The following LYPD6 variants were observed in gnomAD, a reference collection of about 807,000 sequenced individuals.
The protein encoded by LYPD6 is ly6/PLAUR domain-containing protein 6.
LYPD6 carries 15 observed loss-of-function variants against 22.7 expected under a neutral mutation model. That is an observed-to-expected ratio of 0.66 (90% CI 0.44 to 1.02). LYPD6 has a LOEUF of 1.02. Among genes scored for constraint, LYPD6 ranks in the 50% least tolerant of loss-of-function variants. The probability of loss-of-function intolerance (pLI) is 0.00; values close to 1 mark genes in which losing one functional copy is unlikely to be tolerated. For missense variants in LYPD6, 189 were observed against 208.4 expected (o/e 0.91, Z 0.57); for synonymous variants, 72 against 77.5 (o/e 0.93, Z 0.37).
At position 149,417,194 on chromosome 2, in the gene LYPD6, A is replaced by C. The variant is rs557955660; in HGVS notation, c.-71-20444A>C. Among the ~76,000 whole-genome samples the C allele has an allele frequency of 2.0e-5, 3 of 152,266 alleles. No homozygotes were observed. The South Asian group carries it at 6.2e-4, about 32-fold the overall frequency. On this transcript the variant is annotated intron_variant, in intron 1 of 4. Transcript: ENST00000334166. ...GTAACATGCCAAGGGCAATTTCTTA[A>C]AAGGGCTTTACTCTTCTACTGCAGA...
chr2:149,333,060 AAAT>A (rs1468469425), intron 1 of LYPD6, among the ~76,000 whole-genome samples: 4 of 152,222 alleles, frequency 2.6e-5, no homozygotes, highest in African/African-American at 9.6e-5. Context: ...TTAACAATAG[AAAT>A]AATAAATGAA....
chr2:149,391,792 T>C (rs1682315613), intron 1 of LYPD6, among the ~76,000 whole-genome samples: 1 of 152,090 alleles, frequency 6.6e-6, no homozygotes, highest in African/African-American at 2.4e-5. Context: ...AGAAGGTGTA[T>C]TAGAAGGAAA....
At chr2:149,420,614 G>A (rs1274310738) in intron 1 of LYPD6, among the ~76,000 whole-genome samples, 2 of 152,196 alleles carry the variant, frequency 1.3e-5, no homozygotes, top group African/African-American at 2.4e-5. Context: ...TGCCAAAGAA[G>A]TGAAGAGAAT....
intron 2 of LYPD6, among the ~76,000 whole-genome samples, chr2:149,445,156 T>C (rs937853046): frequency 3.3e-5 from 5 of 152,310 alleles, no homozygotes; most frequent in African/African-American, 1.2e-4. Context: ...AGCAGTAGTA[T>C]TTTGAAAGAA....
chr2:149,465,350 G>T (rs1442466077), intron 3 of LYPD6, among the ~76,000 whole-genome samples: 2 of 152,158 alleles, frequency 1.3e-5, no homozygotes, highest in African/African-American at 4.8e-5. Context: ...TAGTGTGGCA[G>T]AAGTGAAGAG....
At chr2:149,346,446 A>G (rs543546539) in intron 1 of LYPD6, among the ~76,000 whole-genome samples, 1 of 152,196 alleles carries the variant, frequency 6.6e-6, no homozygotes, top group Non-Finnish European at 1.5e-5. Context: ...CCATAAAACC[A>G]CTTGGTAGGG....
At chr2:149,459,510 T>C (rs1249962703) in intron 3 of LYPD6, among the ~76,000 whole-genome samples, 3 of 152,224 alleles carry the variant, frequency 2.0e-5, no homozygotes, top group Non-Finnish European at 4.4e-5. Flanking sequence ...AGAATGTCCT[T>C]CTTCTCTTGA....
At chr2:149,332,994 A>G (rs1215623106) in intron 1 of LYPD6, among the ~76,000 whole-genome samples, 1 of 152,244 alleles carries the variant, frequency 6.6e-6, no homozygotes, top group Non-Finnish European at 1.5e-5. Flanking sequence ...GAGATGTGTG[A>G]GAAATATGTA....
intron 1 of LYPD6, among the ~76,000 whole-genome samples, chr2:149,393,425 G>C (rs1180767318): frequency 6.6e-6 from 1 of 150,696 alleles, no homozygotes; most frequent in Non-Finnish European, 1.5e-5. Flanking sequence ...GATGATAACA[G>C]GGTATTTTCT....
At chr2:149,456,084 A>G (rs954208289) in intron 3 of LYPD6, among the ~76,000 whole-genome samples, 2 of 152,208 alleles carry the variant, frequency 1.3e-5, no homozygotes, top group African/African-American at 4.8e-5. Context: ...TAAAAGATCT[A>G]TGGAGAATAA....
At chr2:149,341,272 A>G (rs1457549609) in intron 1 of LYPD6, among the ~76,000 whole-genome samples, 4 of 152,120 alleles carry the variant, frequency 2.6e-5, no homozygotes, top group Admixed American at 2.0e-4. Context: ...CCTTCCATCC[A>G]TTATTCCACA....
intron 1 of LYPD6, among the ~76,000 whole-genome samples, chr2:149,331,053 T>G (rs1456215708): frequency 2.0e-5 from 3 of 152,118 alleles, no homozygotes; most frequent in African/African-American, 7.2e-5. Context: ...TAATTCAGCA[T>G]CTTCTCACGG....
chr2:149,433,644 G>T (rs1175730251), intron 1 of LYPD6, among the ~76,000 whole-genome samples: 1 of 152,112 alleles, frequency 6.6e-6, no homozygotes, highest in Admixed American at 6.5e-5. Flanking sequence ...TGAGCAGAGT[G>T]CTGTACTCCA....
chr2:149,378,673 G>A (rs1049341788), intron 1 of LYPD6, among the ~76,000 whole-genome samples: 6 of 152,174 alleles, frequency 3.9e-5, no homozygotes, highest in Admixed American at 2.6e-4. Flanking sequence ...AATTTGCCCT[G>A]TATTTAATGA....
chr2:149,429,358 C>A (rs1265736736), intron 1 of LYPD6, among the ~76,000 whole-genome samples: 3 of 152,136 alleles, frequency 2.0e-5, no homozygotes, highest in East Asian at 3.8e-4. Context: ...GAGGGCAGAG[C>A]AAAGTTGAGG....
intron 2 of LYPD6, among the ~76,000 whole-genome samples, chr2:149,446,938 C>T (rs962752761): frequency 6.6e-6 from 1 of 152,140 alleles, no homozygotes; most frequent in South Asian, 2.1e-4. Flanking sequence ...GATAACATAT[C>T]TAATTGGTTC....
chr2:149,418,655 G>C (rs1683015727), intron 1 of LYPD6, among the ~76,000 whole-genome samples: 1 of 152,182 alleles, frequency 6.6e-6, no homozygotes, highest in South Asian at 2.1e-4. Flanking sequence ...AGCTTGAGGA[G>C]AAGCTAGCAG....
intron 1 of LYPD6, among the ~76,000 whole-genome samples, chr2:149,385,971 A>C (rs1342644330): frequency 6.6e-6 from 1 of 152,154 alleles, no homozygotes; most frequent in African/African-American, 2.4e-5. Context: ...GGTATGGTTA[A>C]ATAGATACAT....
intron 1 of LYPD6, among the ~76,000 whole-genome samples, chr2:149,348,205 GA>G (rs1681295078): frequency 1.3e-5 from 2 of 151,848 alleles, no homozygotes; most frequent in Non-Finnish European, 2.9e-5. Flanking sequence ...AATAATAAAT[GA>G]AATGGATAAA....
Sources: gnomAD v4.1 joint callset for allele counts (sites outside exome capture counted in the v4.1 genomes callset) on GRCh38, gnomAD v4.1.1 for gene constraint, MANE v1.5 for transcripts, NCBI Gene and HGNC (gene_info 2026-07-23, HGNC 2026-07-21) for gene names.